Variants in TXNRD1 observed in about 807,000 individuals in gnomAD.
TXNRD1 encodes thioredoxin reductase 1, cytoplasmic.
Under a neutral mutation model 80.3 loss-of-function variants are expected in TXNRD1, and 57 were observed. That is an observed-to-expected ratio of 0.71 (90% CI 0.57 to 0.89). The LOEUF (loss-of-function observed/expected upper bound fraction) is 0.89, where lower values mean the gene tolerates loss of function less well. Among genes scored for constraint, TXNRD1 ranks in the 40% least tolerant of loss-of-function variants. The pLI, the probability that TXNRD1 is intolerant of heterozygous loss-of-function variation, is 0.00. For synonymous variants in TXNRD1, 291 were observed against 285.2 expected (o/e 1.02, Z -0.20); for missense variants, 730 against 803.0 (o/e 0.91, Z 1.10).
chr12:104,316,300 G>A (rs548363157), intron 7 of TXNRD1, among the ~76,000 whole-genome samples: 3 of 151,568 alleles, frequency 2.0e-5, no homozygotes, highest in African/African-American at 7.3e-5. Context: ...TGTTCAGGAG[G>A]GGGTGGTTAG....
At chr12:104,261,997 C>T (rs982339674) in intron 3 of TXNRD1, among the ~76,000 whole-genome samples, 1 of 151,698 alleles carries the variant, frequency 6.6e-6, no homozygotes, top group African/African-American at 2.4e-5. Context: ...ATCCACCTGC[C>T]TCGGCCTCAC....
chr12:104,245,790 G>A (rs2032972151), intron 1 of TXNRD1, among the ~76,000 whole-genome samples: 1 of 151,938 alleles, frequency 6.6e-6, no homozygotes, highest in Admixed American at 6.6e-5. Context: ...AGCACTGGGA[G>A]TTTTCATTTT....
intron 2 of TXNRD1, among the ~76,000 whole-genome samples, chr12:104,257,212 G>T (rs1028424151): frequency 1.3e-5 from 2 of 151,546 alleles, no homozygotes; most frequent in African/African-American, 2.4e-5. Flanking sequence ...AGTATAATTT[G>T]TATAACCATG....
At chr12:104,291,480 CTTT>C (rs1161549363) in intron 4 of TXNRD1, among the ~76,000 whole-genome samples, 1 of 98,398 alleles carries the variant, frequency 1.0e-5, no homozygotes, top group African/African-American at 4.3e-5. Flanking sequence ...CCGCACCCAG[CTTT>C]TTTTTTTTTT....
intron 10 of TXNRD1, among the ~76,000 whole-genome samples, chr12:104,323,345 G>C (rs1447890119): frequency 1.3e-5 from 2 of 151,342 alleles, no homozygotes; most frequent in East Asian, 2.0e-4. Flanking sequence ...GGTGGTGGCC[G>C]GGCAGAGGGG....
intron 1 of TXNRD1, among the ~76,000 whole-genome samples, chr12:104,242,858 G>A (rs2032904422): frequency 6.6e-6 from 1 of 152,136 alleles, no homozygotes; most frequent in African/African-American, 2.4e-5. Flanking sequence ...CCATAAACCA[G>A]TCCTCTGCAG....
At chr12:104,251,330 T>G (rs1171405392) in intron 1 of TXNRD1, among the ~76,000 whole-genome samples, 197 bp from the exon 2 acceptor site, 2 of 152,202 alleles carry the variant, frequency 1.3e-5, no homozygotes, top group Non-Finnish European at 2.9e-5. Flanking sequence ...TTAGGAATAT[T>G]GAATAATATG....
chr12:104,241,706 T>C (rs2032872050), intron 1 of TXNRD1, among the ~76,000 whole-genome samples: 1 of 151,584 alleles, frequency 6.6e-6, no homozygotes, highest in Non-Finnish European at 1.5e-5. Flanking sequence ...TATTTATTTA[T>C]TTATTTATTT....
At chr12:104,271,831 A>G (rs889391379) in intron 3 of TXNRD1, among the ~76,000 whole-genome samples, 19 of 151,726 alleles carry the variant, frequency 1.3e-4, no homozygotes, top group Admixed American at 5.3e-4. Context: ...GATCACATCA[A>G]TGCACTCCAG....
At position 104,348,367 on chromosome 12, in the gene TXNRD1, G is replaced by T. The variant is rs2036559313; in HGVS notation, c.1896G>T (p.Leu632Phe). The T allele has an allele frequency of 6.2e-7, 1 of 1,614,016 alleles. No homozygotes were observed. Among genetic ancestry groups the T allele is most frequent in the Admixed American group, 1.7e-5 (1 of 60,022 alleles). ...TTCCCCTGCAGGTATTCACAACATT[G>T]TCTGTGACCAAGCGCTCTGGGGCAA... ...HPVCAEVFTTLSVTKRSGASI... is the reference protein window; with the variant it reads ...HPVCAEVFTTFSVTKRSGASI... Residue 632 changes from leucine (L) to phenylalanine (F), a missense_variant, in exon 17 of 17, where the codon TTG becomes TTT. Coordinates refer to ENST00000525566, the MANE Select transcript of TXNRD1 (RefSeq NM_001093771.3).
intron 3 of TXNRD1, among the ~76,000 whole-genome samples, chr12:104,267,743 C>CTTTCCTTT (rs2033561629): frequency 1.6e-5 from 2 of 123,456 alleles, no homozygotes; most frequent in Non-Finnish European, 3.5e-5. Flanking sequence ...TTCCTTTCTT[C>CTTTCCTTT]CTTCCTTCCT....
rs780732669 is a variant in TXNRD1, at chr12:104,304,603, G to A, written c.415-6687G>A. 4.3e-6 allele frequency: 7 copies of A among 1,613,910 alleles called. No homozygotes were observed. The East Asian group carries it at 8.9e-5, about 21-fold the overall frequency. On this transcript the variant is annotated intron_variant, in intron 4 of 16. Transcript: ENST00000525566. ...AAGCGACAGAAAAAAACGTAGAAAG[G>A]ATTTTGGGATTGTTGCAAACCTACT...
intron 2 of TXNRD1, among the ~76,000 whole-genome samples, chr12:104,252,632 A>G (rs1376682840): frequency 9.3e-6 from 1 of 107,414 alleles, no homozygotes; most frequent in African/African-American, 3.7e-5. Flanking sequence ...CCATCTGTCC[A>G]GGTTCACTGA....
intron 2 of TXNRD1, among the ~76,000 whole-genome samples, chr12:104,256,918 A>G (rs1376857490): frequency 1.6e-4 from 24 of 151,458 alleles, no homozygotes; most frequent in African/African-American, 5.6e-4. Context: ...CTTCCATACA[A>G]TAGGAAGTAC....
rs1356481830 is a variant in TXNRD1 at position 104,263,713 on chromosome 12, A to G, written c.304+5634A>G. Among the ~76,000 whole-genome samples, 4 of 152,330 alleles carry G rather than the reference A, an allele frequency of 2.6e-5. No homozygotes were observed. The East Asian group carries it at 7.7e-4, about 29-fold the overall frequency. ...AGACATAAGATTTCAGGAGTTTGCC[A>G]AAAGTGTGCATCTGGATGCCACATG... On this transcript the variant is annotated intron_variant, in intron 3 of 16. Coordinates refer to ENST00000525566, the MANE Select transcript of TXNRD1 (RefSeq NM_001093771.3).
intron 4 of TXNRD1, among the ~76,000 whole-genome samples, chr12:104,296,947 C>T (rs973038368): frequency 3.9e-5 from 6 of 152,184 alleles, no homozygotes; most frequent in South Asian, 2.1e-4. Flanking sequence ...GTGTTGACAT[C>T]GGGCTAGGCA....
intron 3 of TXNRD1, among the ~76,000 whole-genome samples, chr12:104,272,023 C>T (rs547249306): frequency 6.6e-6 from 1 of 152,202 alleles, no homozygotes; most frequent in Admixed American, 6.5e-5. Context: ...AAAAATTAGC[C>T]AGGCATGGTG....
intron 11 of TXNRD1, 106 bp from the exon 12 acceptor site, chr12:104,326,241 T>TTGAAAAA (rs2035757802): frequency 1.4e-6 from 1 of 740,240 alleles, no homozygotes. Flanking sequence ...ATTTCCAAGT[T>TTGAAAAA]TGAAAAATGA....
intron 1 of TXNRD1, among the ~76,000 whole-genome samples, chr12:104,217,985 T>TACAC (rs772244779): frequency 1.3e-5 from 2 of 150,956 alleles, no homozygotes; most frequent in African/African-American, 4.9e-5. Flanking sequence ...CACACATATA[T>TACAC]ACACACACAC....
Sources: allele counts gnomAD v4.1 joint callset (sites outside exome capture counted in the v4.1 genomes callset), GRCh38; gene constraint gnomAD v4.1.1; transcripts MANE v1.5; gene names NCBI Gene and HGNC (gene_info 2026-07-23, HGNC 2026-07-21).